PIEZO2: variants seen among roughly 807,000 people sequenced by gnomAD.
The protein encoded by PIEZO2 is piezo type mechanosensitive ion channel component 2.
Under a neutral mutation model 337.3 loss-of-function variants are expected in PIEZO2, and 172 were observed. That is an observed-to-expected ratio of 0.51 (90% CI 0.45 to 0.58). PIEZO2 has a LOEUF of 0.58. Ranked by LOEUF, PIEZO2 falls within the 20% of genes least tolerant of loss-of-function variation. The pLI, the probability that PIEZO2 is intolerant of heterozygous loss-of-function variation, is 0.00. For synonymous variants in PIEZO2, 1,251 were observed against 1,228.5 expected (o/e 1.02, Z -0.38); for missense variants, 3,028 against 3,391.3 (o/e 0.89, Z 2.66).
At chr18:10,910,635 G>T (rs1598670061) in intron 4 of PIEZO2, among the ~76,000 whole-genome samples, 1 of 152,034 alleles carries the variant, frequency 6.6e-6, no homozygotes, top group Middle Eastern at 3.4e-3. Flanking sequence ...GAAAAGAAAA[G>T]AAAATGCATG....
At chr18:10,928,079 C>A (rs964929638) in intron 3 of PIEZO2, among the ~76,000 whole-genome samples, 19 of 152,130 alleles carry the variant, frequency 1.2e-4, no homozygotes, top group Non-Finnish European at 2.5e-4. Flanking sequence ...AGCCTTGCAG[C>A]TGTGATCTCA....
chr18:10,780,160 T>C (rs183735171), intron 18 of PIEZO2, among the ~76,000 whole-genome samples, 165 bp downstream of exon 18: 66 of 152,298 alleles, frequency 4.3e-4, no homozygotes, highest in African/African-American at 1.6e-3. Context: ...CACCAGTCGG[T>C]ACAGATACCA....
In PIEZO2 at chr18:10,899,920, T is replaced by C. The variant is rs1218983777; in HGVS notation, c.329+11266A>G. Among the ~76,000 whole-genome samples the C allele has an allele frequency of 6.6e-6, 1 of 152,210 alleles. No individual in the cohort carries two copies. The highest frequency in any genetic ancestry group is 6.5e-5 in the Admixed American group (1 of 15,282). On this transcript the variant is annotated intron_variant, in intron 4 of 55. Transcript: ENST00000674853. The surrounding 1 kb of genome is among the most constrained non-coding windows in gnomAD (Gnocchi z 4.6). ...CATTCATTAACTCGAAGACTGTTTA[T>C]ATTAGTCATAATGATCCAATTTAGG...
intron 1 of PIEZO2, among the ~76,000 whole-genome samples, chr18:11,073,163 T>G (rs1025461582): frequency 1.3e-5 from 2 of 152,124 alleles, no homozygotes; most frequent in African/African-American, 4.8e-5. Context: ...CATAGCAAAG[T>G]CCAACAAGCT....
At chr18:10,928,772 C>T (rs945238779) in intron 3 of PIEZO2, among the ~76,000 whole-genome samples, 1 of 152,158 alleles carries the variant, frequency 6.6e-6, no homozygotes, top group African/African-American at 2.4e-5. Flanking sequence ...TTGGAGCATC[C>T]ATTTCTCCCC....
chr18:10,719,236 G>T (rs1178792545), intron 36 of PIEZO2, among the ~76,000 whole-genome samples: 1 of 152,120 alleles, frequency 6.6e-6, no homozygotes, highest in East Asian at 1.9e-4. Context: ...GATAAGTGCA[G>T]ATTCCTTACA....
rs952151579 is a variant in PIEZO2 at position 10,969,514 on chromosome 18, C to T, written c.286+10021G>A. The stretch of plus-strand genomic sequence containing the variant: ...TCCTTTTCTTCTCTTTCCTTCCTTG[C>T]CACTTCTAACTCTAGCTTTCTCATT... On this transcript the variant is annotated intron_variant, in intron 3 of 55. Transcript: ENST00000674853. The surrounding 1 kb of genome is among the most constrained non-coding windows in gnomAD (Gnocchi z 4.5). Among the ~76,000 whole-genome samples, 4 of 152,068 alleles carry T rather than the reference C, an allele frequency of 2.6e-5. No individual in the cohort carries two copies. Among genetic ancestry groups the T allele is most frequent in the African/African-American group, 7.2e-5 (3 of 41,390 alleles).
rs2034595599 is a variant in PIEZO2 at position 10,979,805 on chromosome 18, T to C, written c.161-145A>G. On this transcript the variant is annotated intron_variant, in intron 2 of 55. Transcript: ENST00000674853. The surrounding 1 kb of genome is among the most constrained non-coding windows in gnomAD (Gnocchi z 4.0). ...TAATAATTATCATCTTAATTATTAG[T>C]CTATAGCTAAATGGTATCTTATTCC... 2.9e-6 allele frequency: 2 copies of C among 696,466 alleles called. No homozygotes were observed. The highest frequency in any genetic ancestry group is 1.0e-4 in the South Asian group (2 of 19,830). The allele number at this position is 696,466 out of a possible 1,614,324, so 43.1% of individuals were successfully genotyped here.
rs920423808 is a variant in PIEZO2 at position 11,102,572 on chromosome 18, C to A, written c.65-36350G>T. 7.9e-5 allele frequency among the ~76,000 whole-genome samples: 12 copies of A among 152,198 alleles called. No individual in the cohort carries two copies. The highest frequency in any genetic ancestry group is 2.6e-4 in the Admixed American group (4 of 15,280). ...GAAGCATCGGGGGTGAAGCATCATG[C>A]CAGCTTGTTTTGCGTCTGGCTTGGA... On this transcript the variant is annotated intron_variant, in intron 1 of 55. Transcript: ENST00000674853. This position sits in a 1 kb window ranked among gnomAD's most constrained non-coding sequence, Gnocchi z 5.7.
rs2034315771 is a variant in PIEZO2 at position 10,973,304 on chromosome 18, G to C, written c.286+6231C>G. Among the ~76,000 whole-genome samples the C allele has an allele frequency of 6.6e-6, 1 of 152,162 alleles. No homozygotes were observed. The highest frequency in any genetic ancestry group is 1.5e-5 in the Non-Finnish European group (1 of 68,046). On this transcript the variant is annotated intron_variant, in intron 3 of 55. Coordinates refer to ENST00000674853, the MANE Select transcript of PIEZO2 (RefSeq NM_001378183.1). The surrounding 1 kb of genome is among the most constrained non-coding windows in gnomAD (Gnocchi z 4.9). ...GTGTATTCATTACTCCAAGAGCGTT[G>C]ACTCCATCAGATATTGGGCTACAAA... is the stretch of plus-strand genomic sequence containing the variant.
intron 2 of PIEZO2, among the ~76,000 whole-genome samples, chr18:11,050,260 T>C (rs2037474762): frequency 6.6e-6 from 1 of 152,192 alleles, no homozygotes; most frequent in South Asian, 2.1e-4. Flanking sequence ...TTTTCCTGTG[T>C]TTTGCTTTAT....
chr18:10,736,678 T>A lies in PIEZO2; in HGVS notation c.4741A>T (p.Thr1581Ser). Residue 1581 changes from threonine (T) to serine (S), a missense_variant, in exon 34 of 56, where the codon ACG (threonine) becomes TCG (serine). Transcript: ENST00000674853. ...VRSGDYYLFE[T>S]DSEEEEEEEL... ...TCCTCTTCCTCCTCTTCACTATCCGTTTCAAACAAATAATAATCTCCACTC... is the reference window on the plus strand; with the variant it reads ...TCCTCTTCCTCCTCTTCACTATCCGATTCAAACAAATAATAATCTCCACTC... The A allele has an allele frequency of 3.9e-6, 6 of 1,537,094 alleles. No individual in the cohort carries two copies. Among genetic ancestry groups the A allele is most frequent in the Non-Finnish European group, 5.2e-6 (6 of 1,146,792 alleles).
intron 7 of PIEZO2, among the ~76,000 whole-genome samples, chr18:10,832,038 T>C (rs941216816): frequency 1.3e-5 from 2 of 152,172 alleles, no homozygotes; most frequent in South Asian, 4.1e-4. Flanking sequence ...TGGCTCACAC[T>C]TGTAATCCCA....
intron 48 of PIEZO2, 79 bp downstream of exon 48, chr18:10,691,146 C>A: frequency 2.7e-6 from 4 of 1,476,782 alleles, no homozygotes; most frequent in Non-Finnish European, 3.7e-6. Context: ...CTCCCCCTTA[C>A]TTCCCAGTTG....
intron 1 of PIEZO2, among the ~76,000 whole-genome samples, chr18:11,074,199 A>G (rs2038447031): frequency 6.6e-6 from 1 of 152,098 alleles, no homozygotes; most frequent in South Asian, 2.1e-4. Flanking sequence ...ATCTGGAGAC[A>G]TTTAAAGCAC....
chr18:10,773,328 A>G lies in PIEZO2; in HGVS notation c.2785+84T>C. On this transcript the variant is annotated intron_variant, in intron 20 of 55. Transcript: ENST00000674853. The surrounding 1 kb of genome is among the most constrained non-coding windows in gnomAD (Gnocchi z 5.3). ...ATGTCATGGACTGGGTCAAATATAT[A>G]TTCTTTTGGAGCAAGTCAATGTTTC... 1 of 1,354,536 alleles carries G rather than the reference A, an allele frequency of 7.4e-7. No individual in the cohort carries two copies. Among genetic ancestry groups the G allele is most frequent in the Admixed American group, 2.0e-5 (1 of 49,842 alleles). 83.9% of individuals were successfully genotyped at this position (1,354,536 alleles called of 1,614,324 possible). A position where few individuals can be genotyped will look rare whatever the true frequency, so the allele number is the denominator to read the frequency against.
At chr18:10,770,369 A>G (rs558127574) in intron 20 of PIEZO2, 61 bp from the exon 21 acceptor site, 3 of 1,439,506 alleles carry the variant, frequency 2.1e-6, no homozygotes, top group African/African-American at 1.4e-5. Context: ...CATTTAAAGC[A>G]TATCTTGTAA....
In PIEZO2 at chr18:10,898,747, T is replaced by G. The variant is rs145105635; in HGVS notation, c.329+12439A>C. Among the ~76,000 whole-genome samples, 759 of 152,222 alleles carry G rather than the reference T, an allele frequency of 5.0e-3. 5 individuals carry two copies. The highest frequency in any genetic ancestry group is 0.016 in the African/African-American group (669 of 41,540). ...GAGGGTTAGCCTATGCCTGAGTAAG[T>G]ATAGCAGGAAGTCTGTAGAAAGGAG... On this transcript the variant is annotated intron_variant, in intron 4 of 55. Transcript: ENST00000674853.
At position 11,112,186 on chromosome 18, in the gene PIEZO2, C is replaced by T. The variant is rs1006495514; in HGVS notation, c.64+36339G>A. ...GTATGTATTTCTAATTTAAGTAATC[C>T]TCTAGGTATTTTGTATCTACAGGAT... On this transcript the variant is annotated intron_variant, in intron 1 of 55. Coordinates refer to ENST00000674853, the MANE Select transcript of PIEZO2 (RefSeq NM_001378183.1). The surrounding 1 kb of genome is among the most constrained non-coding windows in gnomAD (Gnocchi z 4.3). Among the ~76,000 whole-genome samples the T allele has an allele frequency of 2.6e-5, 4 of 152,082 alleles. No homozygotes were observed. Among genetic ancestry groups the T allele is most frequent in the African/African-American group, 9.7e-5 (4 of 41,402 alleles).
Sources: gnomAD v4.1 joint callset for allele counts (sites outside exome capture counted in the v4.1 genomes callset) on GRCh38, gnomAD v4.1.1 for gene constraint, Gnocchi (gnomAD v3.1) non-coding constraint, MANE v1.5 for transcripts, NCBI Gene and HGNC (gene_info 2026-07-23, HGNC 2026-07-21) for gene names.